TOX2: variants seen among roughly 807,000 people sequenced by gnomAD.
TOX2 encodes the protein granulosa cell HMG box 1.
Under a neutral mutation model 47.4 loss-of-function variants are expected in TOX2, and 15 were observed. That is an observed-to-expected ratio of 0.32 (90% CI 0.21 to 0.49). TOX2 has a LOEUF of 0.49. Ranked by LOEUF, TOX2 falls within the 20% of genes least tolerant of loss-of-function variation. The probability of loss-of-function intolerance (pLI) is 0.99; values close to 1 mark genes in which losing one functional copy is unlikely to be tolerated. For synonymous variants in TOX2, 290 were observed against 296.6 expected, an observed-to-expected ratio of 0.98 and a Z score of 0.23; for missense variants, 622 against 673.1, an observed-to-expected ratio of 0.92 and a Z score of 0.84.
intron 2 of TOX2, among the ~76,000 whole-genome samples, chr20:43,989,468 C>A (rs1255917302): frequency 6.6e-6 from 1 of 152,082 alleles, no homozygotes; most frequent in Non-Finnish European, 1.5e-5. Context: ...ATGAGCTAGG[C>A]TTTTTAATTT....
intron 1 of TOX2, among the ~76,000 whole-genome samples, chr20:43,965,853 A>G (rs556694876): frequency 3.7e-4 from 56 of 152,328 alleles, no homozygotes; most frequent in African/African-American, 1.3e-3. Context: ...AAAGGAAAGG[A>G]AGTCAAGATG....
rs554619506 is a variant in TOX2, at chr20:43,937,964, C to T, written c.99+22974C>T. ...CTTCTTGCCAATGTCTCCATGAAAC[C>T]GTGCAAGTAGCTGCCCAGTCCTGAG... On this transcript the variant is annotated intron_variant, in intron 1 of 8. Coordinates refer to ENST00000341197, the MANE Select transcript of TOX2 (RefSeq NM_001098797.2). 2.6e-5 allele frequency among the ~76,000 whole-genome samples: 4 copies of T among 152,268 alleles called. No individual in the cohort carries two copies. In the South Asian group the frequency reaches 8.3e-4, roughly 32 times the overall value.
chr20:43,947,980 G>A (rs1476960366), intron 1 of TOX2, among the ~76,000 whole-genome samples: 1 of 152,218 alleles, frequency 6.6e-6, no homozygotes, highest in Non-Finnish European at 1.5e-5. Flanking sequence ...CTTGTTTTAA[G>A]TCATGGCTCT....
At chr20:43,919,507 ATTTT>A (rs947245019) in intron 1 of TOX2, among the ~76,000 whole-genome samples, 1 of 152,042 alleles carries the variant, frequency 6.6e-6, no homozygotes, top group Non-Finnish European at 1.5e-5. Context: ...AGCTGGCAAG[ATTTT>A]TTTTAAATTT....
intron 2 of TOX2, among the ~76,000 whole-genome samples, chr20:43,990,293 T>C (rs1221286595): frequency 2.0e-5 from 3 of 152,154 alleles, no homozygotes; most frequent in South Asian, 2.1e-4. Flanking sequence ...TTTTTAAAAA[T>C]TTTACTGGTA....
At chr20:44,065,126 G>T (rs1056120850) in intron 6 of TOX2, among the ~76,000 whole-genome samples, 3 of 152,306 alleles carry the variant, frequency 2.0e-5, no homozygotes, top group East Asian at 3.9e-4. Context: ...TAAAGTGGCC[G>T]CACTAGGATT....
At chr20:44,027,575 T>G (rs925487559) in intron 3 of TOX2, among the ~76,000 whole-genome samples, 7 of 152,230 alleles carry the variant, frequency 4.6e-5, no homozygotes, top group Non-Finnish European at 8.8e-5. Flanking sequence ...ACTTACTGGA[T>G]GCAGATCTGA....
rs192109680 is a variant in TOX2, at chr20:44,055,504, A to G, written c.879+978A>G. 1.1e-4 allele frequency among the ~76,000 whole-genome samples: 16 copies of G among 152,332 alleles called. No homozygotes were observed. In the East Asian group the frequency reaches 3.1e-3, roughly 29 times the overall value. ...GACCAGGATGGCCAGAGAGGAGACA[A>G]TAAGAGTACCCATGGCAGAGACGGA... On this transcript the variant is annotated intron_variant, in intron 5 of 8. Coordinates refer to ENST00000341197, the MANE Select transcript of TOX2 (RefSeq NM_001098797.2).
At chr20:44,053,333 G>C (rs1250339184) in intron 4 of TOX2, among the ~76,000 whole-genome samples, 1 of 152,030 alleles carries the variant, frequency 6.6e-6, no homozygotes, top group Non-Finnish European at 1.5e-5. Context: ...AAGGGACTAA[G>C]CCACCTGCTC....
At chr20:44,047,182 T>C (rs2071423987) in intron 3 of TOX2, among the ~76,000 whole-genome samples, 1 of 152,220 alleles carries the variant, frequency 6.6e-6, no homozygotes, top group African/African-American at 2.4e-5. Flanking sequence ...CTCAGCACTA[T>C]TGACATTTTG....
At chr20:44,029,526 G>A (rs2071116752) in intron 3 of TOX2, among the ~76,000 whole-genome samples, 1 of 152,112 alleles carries the variant, frequency 6.6e-6, no homozygotes, top group South Asian at 2.1e-4. Flanking sequence ...ACTGTAAGGT[G>A]GAAACAGCAG....
intron 1 of TOX2, among the ~76,000 whole-genome samples, chr20:43,935,157 T>G (rs1470488584): frequency 6.6e-6 from 1 of 151,982 alleles, no homozygotes; most frequent in Non-Finnish European, 1.5e-5. Context: ...GGGCTTGGGG[T>G]GCGTCAGGAC....
At chr20:44,055,666 T>TAAGA (rs1475117314) in intron 5 of TOX2, among the ~76,000 whole-genome samples, 1 of 151,818 alleles carries the variant, frequency 6.6e-6, no homozygotes, top group Non-Finnish European at 1.5e-5. Flanking sequence ...ATAAGGCAGG[T>TAAGA]AAGAGTGGAT....
rs138196686 is a variant in TOX2, at chr20:43,932,266, G to A, written c.99+17276G>A. Among the ~76,000 whole-genome samples the A allele has an allele frequency of 5.9e-4, 90 of 152,158 alleles. 1 individual carries two copies. In the East Asian group the frequency reaches 0.017, roughly 28 times the overall value. On this transcript the variant is annotated intron_variant, in intron 1 of 8. Transcript: ENST00000341197. ...CCTCCTGGCACAGCTTATTACCTTC[G>A]GAACACCCTTCCATTGTGTATATCT...
chr20:44,046,556 A>G (rs1190999282), intron 3 of TOX2, among the ~76,000 whole-genome samples: 1 of 152,244 alleles, frequency 6.6e-6, no homozygotes, highest in Non-Finnish European at 1.5e-5. Flanking sequence ...ACTGCCTACC[A>G]GCAGATGAAT....
rs2071783798 is a variant in TOX2 at position 44,064,868 on chromosome 20, G to T, written c.960+11G>T. 1 of 1,613,502 alleles carries T rather than the reference G, an allele frequency of 6.2e-7. No individual in the cohort carries two copies. Among genetic ancestry groups the T allele is most frequent in the Non-Finnish European group, 8.5e-7 (1 of 1,179,758 alleles). ...AGCCTCGTCTCCAAGGTAACACCCG[G>T]AATCTCCAGGCACAGCCCTGATCAG... On this transcript the variant is annotated intron_variant, in intron 6 of 8. Transcript: ENST00000341197.
chr20:43,931,721 C>G (rs1215449503), intron 1 of TOX2, among the ~76,000 whole-genome samples: 15 of 152,128 alleles, frequency 9.9e-5, no homozygotes, highest in Non-Finnish European at 2.9e-5. Context: ...AGAGTGGAGG[C>G]AGGAGAATAG....
intron 8 of TOX2, 107 bp downstream of exon 8, chr20:44,066,964 C>G (rs1333040487): frequency 6.2e-6 from 9 of 1,459,074 alleles, no homozygotes; most frequent in Non-Finnish European, 8.3e-6. Context: ...GGGGAGGACC[C>G]TGCAGTCACT....
intron 2 of TOX2, among the ~76,000 whole-genome samples, chr20:43,975,640 C>G (rs2070062724): frequency 6.6e-6 from 1 of 152,140 alleles, no homozygotes; most frequent in Non-Finnish European, 1.5e-5. Context: ...GACTGCCAAA[C>G]CCACGTTAGG....
Sources: gnomAD v4.1 joint callset for allele counts (sites outside exome capture counted in the v4.1 genomes callset) on GRCh38, gnomAD v4.1.1 for gene constraint, MANE v1.5 for transcripts, NCBI Gene and HGNC (gene_info 2026-07-23, HGNC 2026-07-21) for gene names.